ARMC5: variants seen among roughly 807,000 people sequenced by gnomAD.
ARMC5 encodes the protein armadillo repeat containing 5, also known as armadillo repeat-containing protein 5.
In ARMC5, 28 loss-of-function variants were observed where a neutral mutation model predicts 60.5. The ratio of observed to expected loss-of-function variants is 0.46; its 90% confidence interval spans 0.34 to 0.63. The LOEUF is 0.63. Ranked by LOEUF, ARMC5 falls within the 30% of genes least tolerant of loss-of-function variation. The pLI is 0.01. For missense variants in ARMC5, 1,189 were observed against 1,304.9 expected (o/e 0.91, Z 1.37); for synonymous variants, 680 against 607.3 (o/e 1.12, Z -1.76).
Position 31,459,869 on chromosome 16 carries a change from G to A in ARMC5, c.345G>A (p.Ser115=). Residue 115 remains serine (S), a synonymous_variant, in exon 1 of 6, where the codon TCG becomes TCA. Transcript: ENST00000268314. ...CGGGCCCCGCCCCCTCCGCTGTGTCGTCGTCTAGTCCTACGCCGCCAGTGC... is the reference window on the plus strand; with the variant it reads ...CGGGCCCCGCCCCCTCCGCTGTGTCATCGTCTAGTCCTACGCCGCCAGTGC... ...PASGPAPSAV[S]SSSPTPPVRL... 1 of 1,603,122 alleles carries A rather than the reference G, an allele frequency of 6.2e-7. No homozygotes were observed. The highest frequency in any genetic ancestry group is 8.5e-7 in the Non-Finnish European group (1 of 1,179,292).
upstream of ARMC5, chr16:31,459,167 G>C: frequency 6.6e-7 from 1 of 1,509,918 alleles, no homozygotes; most frequent in South Asian, 1.2e-5. Flanking sequence ...CGCCGGGGGC[G>C]GGGCACGGCA....
upstream of ARMC5, chr16:31,459,020 C>T (rs577334827): frequency 9.4e-5 from 144 of 1,531,252 alleles, 1 homozygote; most frequent in Non-Finnish European, 1.2e-4. Flanking sequence ...GAGGGCTCCC[C>T]GTCTGCGGCG....
At chr16:31,458,746 C>T, upstream of ARMC5, 4 of 1,477,714 alleles carry the variant, frequency 2.7e-6, no homozygotes, top group Non-Finnish European at 3.6e-6. Flanking sequence ...GGGGGCTCCC[C>T]GGGACGCGAA....
chr16:31,459,556 C>T lies in ARMC5; in HGVS notation c.32C>T (p.Ser11Leu). The T allele has an allele frequency of 6.2e-7, 1 of 1,606,280 alleles. No homozygotes were observed. Among genetic ancestry groups the T allele is most frequent in the South Asian group, 1.1e-5 (1 of 90,502 alleles). MAAAKPTLTD[S>L]LSFCLAQLAA... ...GCTGCGAAGCCAACCCTCACGGACT[C>T]GCTCTCGTTCTGCCTCGCGCAGCTC... The change falls in exon 1 of 6, where the codon TCG (serine) becomes TTG (leucine). Residue 11 changes from serine to leucine, a missense_variant. By Grantham distance (145) the Ser-to-Leu change is moderately radical. This residue lies in a region of ARMC5 where 327 missense variants were observed against 233.7 expected (regional missense o/e 1.40). Transcript: ENST00000268314.
At chr16:31,463,810 T>A (rs1328054289) in intron 3 of ARMC5, among the ~76,000 whole-genome samples, 1 of 152,198 alleles carries the variant, frequency 6.6e-6, no homozygotes, top group Non-Finnish European at 1.5e-5. Flanking sequence ...TGTCTGCTTC[T>A]TCTCACTGGA....
chr16:31,460,128 G>A (rs1044043080), intron 1 of ARMC5, 129 bp downstream of exon 1: 3 of 1,043,116 alleles, frequency 2.9e-6, no homozygotes, highest in African/African-American at 3.3e-5. Context: ...CATCGCTCCT[G>A]TTTCTCAATC....
chr16:31,462,055 G>T lies in ARMC5; in HGVS notation c.583+26G>T, dbSNP rs9921490. The stretch of plus-strand genomic sequence containing the variant: ...GTAAGAGGCTGTGAGGTTGGGGTCT[G>T]CTAGGGCTTGGGGCAGAAGAAAGGC... On this transcript the variant is annotated intron_variant, in intron 2 of 5. Coordinates refer to ENST00000268314, the MANE Select transcript of ARMC5 (RefSeq NM_001105247.2). This position sits in a 1 kb window ranked among gnomAD's most constrained non-coding sequence, Gnocchi z 7.2. The T allele has an allele frequency of 7.3e-3, 11,755 of 1,613,746 alleles. 762 individuals are homozygous for T. The African/African-American group carries it at 0.14, about 19-fold the overall frequency.
At position 31,465,225 on chromosome 16, in the gene ARMC5, C is replaced by G. The variant is rs1205828893; in HGVS notation, c.1864+338C>G. On this transcript the variant is annotated intron_variant, in intron 4 of 5. Coordinates refer to ENST00000268314, the MANE Select transcript of ARMC5 (RefSeq NM_001105247.2). ...GACTGCTCCCCACCAGCACGCTGAC[C>G]TGTGAACCCCAGCCTCACCATCACC... The G allele has an allele frequency of 1.9e-6, 3 of 1,551,878 alleles. No individual in the cohort carries two copies. In the East Asian group the frequency reaches 6.8e-5, roughly 35 times the overall value.
chr16:31,460,125 C>G, intron 1 of ARMC5, 126 bp downstream of exon 1: 1 of 1,063,368 alleles, frequency 9.4e-7, no homozygotes, highest in Non-Finnish European at 1.4e-6. Flanking sequence ...GCGCATCGCT[C>G]CTGTTTCTCA....
chr16:31,460,859 A>G (rs1341165632), intron 1 of ARMC5, among the ~76,000 whole-genome samples: 1 of 152,234 alleles, frequency 6.6e-6, no homozygotes, highest in Admixed American at 6.5e-5. Context: ...TTTACCAGCT[A>G]AATTGGTGCC....
chr16:31,461,783 C>T, intron 1 of ARMC5, 139 bp from the exon 2 acceptor site: 1 of 718,950 alleles, frequency 1.4e-6, no homozygotes, highest in Non-Finnish European at 2.4e-6. Context: ...GCTAGGATTA[C>T]AGGCTTGAGC....
chr16:31,466,048 C>T lies in ARMC5; in HGVS notation c.1998-31C>T, dbSNP rs2082354842. On this transcript the variant is annotated intron_variant, in intron 5 of 5. Transcript: ENST00000268314. The surrounding 1 kb of genome is among the most constrained non-coding windows in gnomAD (Gnocchi z 8.0). ...TGCTGTGTTTCCCAGGCCCGTTGCC[C>T]ACCTTTTGAAAGGCCCTCTCTTCCC... The T allele has an allele frequency of 1.3e-6, 2 of 1,591,798 alleles. No homozygotes were observed. The highest frequency in any genetic ancestry group is 1.7e-4 in the Middle Eastern group (1 of 6,014).
chr16:31,460,613 T>G (rs997849953), intron 1 of ARMC5, among the ~76,000 whole-genome samples: 3 of 152,196 alleles, frequency 2.0e-5, no homozygotes, highest in African/African-American at 7.2e-5. Context: ...CGCCTGTAGT[T>G]CCAGCTATTT....
At position 31,462,297 on chromosome 16, in the gene ARMC5, A is replaced by T. The variant is rs772676849; in HGVS notation, c.750A>T (p.Pro250=). The T allele has an allele frequency of 6.2e-7, 1 of 1,610,196 alleles. No individual in the cohort carries two copies. The highest frequency in any genetic ancestry group is 1.1e-5 in the South Asian group (1 of 91,064). ...RPLAELLATA[P]DAALTLALVR... ...TGGCCGAGCTCCTGGCCACTGCCCC[A>T]GATGCTGCACTGACCTTAGCCCTCG... The change falls in exon 3 of 6, where the codon CCA becomes CCT. Residue 250 remains proline, a synonymous_variant. Transcript: ENST00000268314. The surrounding 1 kb of genome is among the most constrained non-coding windows in gnomAD (Gnocchi z 7.2).
chr16:31,459,938 T>C lies in ARMC5; in HGVS notation c.414T>C (p.Asp138=), dbSNP rs776051274. The change falls in exon 1 of 6, where the codon GAT becomes GAC. Residue 138 remains aspartate (D), a synonymous_variant. Transcript: ENST00000268314. ...ACTTGGCGCTCAGCATCCTAGCCGA[T>C]TGCTGTACGGAAGGGGCGTGCCGGA... ...TLDLALSILA[D]CCTEGACRTE... 3.1e-6 allele frequency: 5 copies of C among 1,604,606 alleles called. No homozygotes were observed. The African/African-American group carries it at 5.3e-5, about 17-fold the overall frequency.
chr16:31,462,531 A>G lies in ARMC5; in HGVS notation c.984A>G (p.Val328=). The G allele has an allele frequency of 6.2e-7, 1 of 1,611,102 alleles. No individual in the cohort carries two copies. Among genetic ancestry groups the G allele is most frequent in the East Asian group, 2.2e-5 (1 of 44,872 alleles). ...ATGCTGGTGGCGTGGAGGTGCTGGT[A>G]GATGAGCTCCGGCAGCGCCGGGATC... The part of the protein sequence containing the change: ...LGNAGGVEVL[V]DELRQRRDPN... Residue 328 remains valine (V), a synonymous_variant, in exon 3 of 6, where the codon GTA becomes GTG. Transcript: ENST00000268314. This position sits in a 1 kb window ranked among gnomAD's most constrained non-coding sequence, Gnocchi z 7.2.
Position 31,459,927 on chromosome 16 carries a change from A to C in ARMC5, c.403A>C (p.Ile135Leu). 3 of 1,605,408 alleles carry C rather than the reference A, an allele frequency of 1.9e-6. No homozygotes were observed. Among genetic ancestry groups the C allele is most frequent in the Non-Finnish European group, 2.5e-6 (3 of 1,179,646 alleles). ...CAAGACGCTGGACTTGGCGCTCAGC[A>C]TCCTAGCCGATTGCTGTACGGAAGG... is the stretch of plus-strand genomic sequence containing the variant. Reference protein sequence around the residue: ...LRKTLDLALSILADCCTEGAC... With the variant: ...LRKTLDLALSLLADCCTEGAC... Residue 135 changes from isoleucine to leucine, a missense_variant, in exon 1 of 6, where the codon ATC becomes CTC. Coordinates refer to ENST00000268314, the MANE Select transcript of ARMC5 (RefSeq NM_001105247.2).
rs373003041 is a variant in ARMC5, at chr16:31,461,908, A to C, written c.476-14A>C. The C allele has an allele frequency of 5.0e-6, 8 of 1,611,882 alleles. No homozygotes were observed. Among genetic ancestry groups the C allele is most frequent in the African/African-American group, 2.7e-5 (2 of 74,886 alleles). ...AAGGGGTAGAACCCTCACAAGCCCA[A>C]ACTGTCGTTGCAGTGACCATTCTTC... is the stretch of plus-strand genomic sequence containing the variant. On this transcript the variant is annotated splice_polypyrimidine_tract_variant and intron_variant, in intron 1 of 5. Coordinates refer to ENST00000268314, the MANE Select transcript of ARMC5 (RefSeq NM_001105247.2).
intron 1 of ARMC5, 163 bp downstream of exon 1, chr16:31,460,162 C>A: frequency 1.4e-6 from 1 of 723,322 alleles, no homozygotes; most frequent in Non-Finnish European, 2.2e-6. Context: ...GACGTCACTG[C>A]ACTCTCTATA....
Sources: gnomAD v4.1 joint callset for allele counts (sites outside exome capture counted in the v4.1 genomes callset) on GRCh38, gnomAD v4.1.1 for gene constraint, gnomAD v4.1.1 regional missense constraint, Gnocchi (gnomAD v3.1) non-coding constraint, MANE v1.5 for transcripts, NCBI Gene and HGNC (gene_info 2026-07-23, HGNC 2026-07-21) for gene names.